LEO1: variants seen among roughly 807,000 people sequenced by gnomAD.
The protein encoded by LEO1 is RNA polymerase-associated protein LEO1.
A neutral mutation model predicts 80.4 loss-of-function variants in LEO1; 34 were observed. The observed-to-expected ratio is 0.42, with a 90% CI of 0.32 to 0.56. The LOEUF (loss-of-function observed/expected upper bound fraction) is 0.56, where lower values mean the gene tolerates loss of function less well. LEO1 is among the 20% of genes least tolerant of loss of function. LEO1 has a pLI of 0.10. For missense variants in LEO1, 631 were observed against 814.2 expected (o/e 0.77, Z 2.74); for synonymous variants, 262 against 274.9 (o/e 0.95, Z 0.46).
intron 9 of LEO1, 66 bp from the exon 10 acceptor site, chr15:51,950,060 T>G: frequency 7.6e-7 from 1 of 1,314,908 alleles, no homozygotes; most frequent in Non-Finnish European, 1.0e-6. Flanking sequence ...TTGAACCCAC[T>G]TTTATTACAA....
chr15:51,945,014 G>C (rs1467645813), intron 11 of LEO1, among the ~76,000 whole-genome samples: 1 of 151,978 alleles, frequency 6.6e-6, no homozygotes, highest in Non-Finnish European at 1.5e-5. Flanking sequence ...TATTTCACAG[G>C]CACAATCAAC....
chr15:51,962,358 AATATAC>A (rs757854853), intron 3 of LEO1, 25 bp downstream of exon 3: 274 of 1,370,780 alleles, frequency 2.0e-4, no homozygotes, highest in East Asian at 2.9e-4. Context: ...GAGGTATGGA[AATATAC>A]ATATATATAT....
At chr15:51,962,342 C>T in intron 3 of LEO1, 47 bp downstream of exon 3, 1 of 1,256,670 alleles carries the variant, frequency 8.0e-7, no homozygotes, top group Non-Finnish European at 1.1e-6. Context: ...CAGTTAAATA[C>T]AGAAAGAGGT....
At chr15:51,939,666 T>C (rs2056831690) in intron 11 of LEO1, among the ~76,000 whole-genome samples, 1 of 152,252 alleles carries the variant, frequency 6.6e-6, no homozygotes, top group South Asian at 2.1e-4. Flanking sequence ...ACTTGTCTTT[T>C]AATTTCCAAA....
At chr15:51,941,714 GCTCT>G (rs1282546421) in intron 11 of LEO1, among the ~76,000 whole-genome samples, 1 of 152,158 alleles carries the variant, frequency 6.6e-6, no homozygotes, top group Non-Finnish European at 1.5e-5. Flanking sequence ...AGAATAAAAA[GCTCT>G]CTTTTACATT....
intron 1 of LEO1, among the ~76,000 whole-genome samples, chr15:51,968,117 A>T (rs1038050478): frequency 2.0e-5 from 3 of 152,204 alleles, no homozygotes; most frequent in African/African-American, 7.2e-5. Context: ...CAGGAGATGG[A>T]GGTTGCAGTG....
rs750165662 is a variant in LEO1, at chr15:51,949,984, T to A, written c.1622A>T (p.Glu541Val). The change falls in exon 10 of 12, where the codon GAA becomes GTA. Residue 541 changes from glutamate to valine, a missense_variant. Coordinates refer to ENST00000299601, the MANE Select transcript of LEO1 (RefSeq NM_138792.4). The part of the protein sequence containing the change: ...QRTEMIKKEE[E>V]RLRASIRRES... ...CCTACGTATGGAAGCCCTCAAACGT[T>A]CTTCTTCTTTCTGTAAAGAAGCAAA... is the stretch of plus-strand genomic sequence containing the variant. 1.9e-6 allele frequency: 3 copies of A among 1,610,426 alleles called. No homozygotes were observed. Among genetic ancestry groups the A allele is most frequent in the Non-Finnish European group, 2.5e-6 (3 of 1,178,966 alleles).
intron 5 of LEO1, 69 bp downstream of exon 5, chr15:51,959,830 A>G (rs992791575): frequency 2.9e-6 from 4 of 1,375,212 alleles, no homozygotes; most frequent in Non-Finnish European, 3.9e-6. Flanking sequence ...CTCAATGCGA[A>G]ATAAGAAAAA....
chr15:51,954,922 G>C (rs940452265), intron 6 of LEO1: 10 of 170,138 alleles, frequency 5.9e-5, no homozygotes, highest in African/African-American at 1.7e-4. Context: ...TTGAGTCCAT[G>C]TGAGGCAGAA....
chr15:51,944,672 G>A (rs1020999912), intron 11 of LEO1, among the ~76,000 whole-genome samples: 1 of 152,154 alleles, frequency 6.6e-6, no homozygotes, highest in Non-Finnish European at 1.5e-5. Flanking sequence ...ATGGTCAACA[G>A]TCTGTTTCCA....
At chr15:51,943,899 G>A (rs1234349499) in intron 11 of LEO1, among the ~76,000 whole-genome samples, 1 of 151,806 alleles carries the variant, frequency 6.6e-6, no homozygotes, top group Non-Finnish European at 1.5e-5. Context: ...TTGATGGATC[G>A]ACAGAGATTA....
chr15:51,970,884 A>C (rs942485114), intron 1 of LEO1, among the ~76,000 whole-genome samples: 1 of 152,196 alleles, frequency 6.6e-6, no homozygotes, highest in Non-Finnish European at 1.5e-5. Context: ...TTGGAGGCTG[A>C]GGCAGAAGGA....
intron 1 of LEO1, among the ~76,000 whole-genome samples, chr15:51,968,299 C>G (rs1467862009): frequency 6.6e-6 from 1 of 151,670 alleles, no homozygotes; most frequent in East Asian, 1.9e-4. Flanking sequence ...TCTCAGCACT[C>G]TAGGAGCCCA....
Position 51,960,063 on chromosome 15 carries a change from G to A in LEO1, c.1015-19C>T. The A allele has an allele frequency of 6.2e-7, 1 of 1,606,090 alleles. No individual in the cohort carries two copies. Among genetic ancestry groups the A allele is most frequent in the Middle Eastern group, 1.7e-4 (1 of 6,038 alleles). On this transcript the variant is annotated intron_variant, in intron 4 of 11. Coordinates refer to ENST00000299601, the MANE Select transcript of LEO1 (RefSeq NM_138792.4). Reference sequence around the variant, plus strand: ...TTTCATCCTAGTGAAAGAATCGGAAGTTTGGAGCTTGACAGGACCTTAGAA... The same window carrying A: ...TTTCATCCTAGTGAAAGAATCGGAAATTTGGAGCTTGACAGGACCTTAGAA...
At chr15:51,939,240 T>G (rs903020502) in intron 11 of LEO1, among the ~76,000 whole-genome samples, 1 of 152,000 alleles carries the variant, frequency 6.6e-6, no homozygotes, top group African/African-American at 2.4e-5. Context: ...GAACAAATGG[T>G]TTGAAGGTTG....
At chr15:51,954,738 G>A (rs1040303350) in intron 6 of LEO1, 163 bp from the exon 7 acceptor site, 5 of 584,198 alleles carry the variant, frequency 8.6e-6, no homozygotes, top group South Asian at 6.3e-5. Context: ...ATCACCTAGA[G>A]AGGTTGGATA....
At chr15:51,951,585 T>A (rs1280364664) in intron 9 of LEO1, among the ~76,000 whole-genome samples, 1 of 152,208 alleles carries the variant, frequency 6.6e-6, no homozygotes, top group African/African-American at 2.4e-5. Flanking sequence ...ACATGAAAAT[T>A]CAGATATTTC....
intron 1 of LEO1, among the ~76,000 whole-genome samples, chr15:51,969,838 TAAAAAAAAAAAAA>T (rs58342384): frequency 3.3e-5 from 3 of 89,978 alleles, no homozygotes; most frequent in African/African-American, 1.3e-4. Flanking sequence ...GAGACTCCGT[TAAAAAAAAAAAAA>T]AAAAAAAAAA....
intron 6 of LEO1, 30 bp downstream of exon 6, chr15:51,958,712 G>A: frequency 1.4e-6 from 2 of 1,400,094 alleles, no homozygotes; most frequent in Non-Finnish European, 2.0e-6. Flanking sequence ...CTTTATAAAA[G>A]AAAAAAAAGG....
Sources: allele counts gnomAD v4.1 joint callset (sites outside exome capture counted in the v4.1 genomes callset), GRCh38; gene constraint gnomAD v4.1.1; transcripts MANE v1.5; gene names NCBI Gene and HGNC (gene_info 2026-07-23, HGNC 2026-07-21).